Variants in CPZ observed in about 807,000 individuals in gnomAD.
The protein encoded by CPZ is VEZT/CPZ fusion.
Under a neutral mutation model 61.8 loss-of-function variants are expected in CPZ, and 103 were observed. The observed-to-expected ratio is 1.67, with a 90% confidence interval of 1.42 to 1.96. CPZ has a LOEUF of 1.96. CPZ is among the 30% of genes most tolerant of loss of function. The pLI, the probability that CPZ is intolerant of heterozygous loss-of-function variation, is 0.00. For synonymous variants in CPZ, 551 were observed against 373.7 expected (o/e 1.47, Z -5.47); for missense variants, 1,461 against 914.9 (o/e 1.60, Z -7.70).
intron 10 of CPZ, 63 bp from the exon 11 acceptor site, chr4:8,619,199 C>T: frequency 1.4e-6 from 2 of 1,411,996 alleles, no homozygotes; most frequent in Non-Finnish European, 9.7e-7. Flanking sequence ...TATCCATCAC[C>T]CATCACCCCG....
At chr4:8,615,653 C>T (rs554241136) in intron 9 of CPZ, among the ~76,000 whole-genome samples, 1,560 of 152,266 alleles carry the variant, frequency 0.01, 8 homozygotes, top group Middle Eastern at 0.034. Context: ...CTCTGGGCCA[C>T]ACACAGGCTT....
intron 3 of CPZ, 200 bp from the exon 4 acceptor site, chr4:8,603,776 G>A: frequency 1.7e-6 from 1 of 604,062 alleles, no homozygotes; most frequent in Non-Finnish European, 3.0e-6. Flanking sequence ...ATGGCGCTGT[G>A]CTGTGTACAT....
At position 8,607,275 on chromosome 4, in the gene CPZ, G is replaced by A. The variant is rs367807288; in HGVS notation, c.1077G>A (p.Pro359=). The A allele has an allele frequency of 9.5e-5, 154 of 1,613,990 alleles. 1 individual carries two copies. Among genetic ancestry groups the A allele is most frequent in the Middle Eastern group, 3.3e-4 (2 of 6,058 alleles). ...PQHYWWGKVA[P]ETKAIMKWMQ... ...TCGTCTGTCCTGGGCAGGTGGCCCC[G>A]GAGACAAAGGCAATCATGAAGTGGA... The change falls in exon 7 of 11, where the codon CCG becomes CCA. Residue 359 remains proline, a synonymous_variant. Coordinates refer to ENST00000360986, the MANE Select transcript of CPZ (RefSeq NM_001014447.3).
chr4:8,611,227 T>C (rs755402440), intron 7 of CPZ: 35 of 456,084 alleles, frequency 7.7e-5, no homozygotes, highest in South Asian at 4.6e-4. Context: ...TCATGCAGGG[T>C]GAGCCCTTCG....
chr4:8,593,140 G>T (rs1713921368), intron 1 of CPZ, among the ~76,000 whole-genome samples: 1 of 152,204 alleles, frequency 6.6e-6, no homozygotes. Context: ...CGGCATCCAG[G>T]CCGGGACCCC....
intron 9 of CPZ, among the ~76,000 whole-genome samples, chr4:8,615,829 G>A (rs1716116805): frequency 1.3e-5 from 2 of 152,140 alleles, no homozygotes; most frequent in Non-Finnish European, 2.9e-5. Context: ...AGTAAGAATC[G>A]AGCGAACTCC....
chr4:8,606,907 C>G lies in CPZ; in HGVS notation c.1068+9C>G, dbSNP rs2302580. 2 of 1,594,674 alleles carry G rather than the reference C, an allele frequency of 1.3e-6. No homozygotes were observed. Among genetic ancestry groups the G allele is most frequent in the Non-Finnish European group, 1.7e-6 (2 of 1,170,388 alleles). ...ACTACTGGTGGGGTAAGGTAGGAGC[C>G]GCCGCTGCCCATGCTGGTCTCCACC... On this transcript the variant is annotated intron_variant, in intron 6 of 10. Coordinates refer to ENST00000360986, the MANE Select transcript of CPZ (RefSeq NM_001014447.3).
intron 7 of CPZ, chr4:8,611,079 TTCGC>T (rs1164716028): frequency 1.2e-4 from 45 of 363,476 alleles, no homozygotes; most frequent in African/African-American, 9.1e-4. Context: ...CACTCATTCA[TTCGC>T]TCATTCACTC....
At chr4:8,593,656 G>A (rs916256107) in intron 1 of CPZ, among the ~76,000 whole-genome samples, 1 of 152,244 alleles carries the variant, frequency 6.6e-6, no homozygotes, top group Middle Eastern at 3.4e-3. Flanking sequence ...TGCGGGAGTG[G>A]GGCCGTGTGT....
chr4:8,606,134 C>A lies in CPZ; in HGVS notation c.855C>A (p.Ile285=). ...RIQRLLNTTR[I]HLLPSMNPDG... The stretch of plus-strand genomic sequence containing the variant: ...AGCGCCTGCTCAACACCACCCGCAT[C>A]CACCTGCTGCCCTCCATGAACCCTG... Residue 285 remains isoleucine, a synonymous_variant, in exon 5 of 11, where the codon ATC becomes ATA. Transcript: ENST00000360986. The A allele has an allele frequency of 6.2e-7, 1 of 1,614,196 alleles. No homozygotes were observed. Among genetic ancestry groups the A allele is most frequent in the Non-Finnish European group, 8.5e-7 (1 of 1,180,036 alleles).
chr4:8,592,891 C>T lies in CPZ; in HGVS notation c.58C>T (p.Pro20Ser). 6.5e-7 allele frequency: 1 copy of T among 1,534,440 alleles called. No individual in the cohort carries two copies. Among genetic ancestry groups the T allele is most frequent in the African/African-American group, 1.4e-5 (1 of 72,714 alleles). ...AGTCCTGGTCGTCGCCGCTGCCCGG[C>T]CGGGGTGCGAGTTTGAGCGGAACCC... The part of the protein sequence containing the change: ...LTVLVVAAAR[P>S]GCEFERNPAG... The change falls in exon 1 of 11, where the codon CCG becomes TCG. Residue 20 changes from proline (P) to serine (S), a missense_variant. Transcript: ENST00000360986.
chr4:8,610,801 GGGGTTGTGTTTGTGCCCTT>G (rs1355634305), intron 7 of CPZ, among the ~76,000 whole-genome samples: 2 of 152,154 alleles, frequency 1.3e-5, no homozygotes, highest in Admixed American at 6.5e-5. Flanking sequence ...GGGCCTGAGT[GGGGTTGTGTTTGTGCCCTT>G]GGTTTGTGTC....
intron 3 of CPZ, 139 bp from the exon 4 acceptor site, chr4:8,603,837 C>T (rs1714749537): frequency 1.4e-6 from 1 of 735,698 alleles, no homozygotes; most frequent in African/African-American, 1.7e-5. Context: ...GCAGAGGGAA[C>T]TCTAATTAAA....
intron 8 of CPZ, among the ~76,000 whole-genome samples, chr4:8,613,119 G>A (rs1280700030): frequency 6.8e-6 from 1 of 147,938 alleles, no homozygotes; most frequent in South Asian, 2.1e-4. Flanking sequence ...GCTGGGAGAG[G>A]CCCCTCTCTG....
chr4:8,618,004 G>C lies in CPZ; in HGVS notation c.1504-425G>C, dbSNP rs542486679. The C allele has an allele frequency of 1.3e-3, 290 of 218,564 alleles. 1 individual carries two copies. The highest frequency in any genetic ancestry group is 6.1e-3 in the African/African-American group (270 of 43,982). 13.5% of individuals were successfully genotyped at this position (218,564 alleles called of 1,614,324 possible). On this transcript the variant is annotated intron_variant, in intron 9 of 10. Transcript: ENST00000360986. Reference sequence around the variant, plus strand: ...AACCGCGCTGCTCGAGCGAGGGTCCGAGCACTGTCCTCGTCCTCTCCCATG... The same window carrying C: ...AACCGCGCTGCTCGAGCGAGGGTCCCAGCACTGTCCTCGTCCTCTCCCATG...
intron 9 of CPZ, among the ~76,000 whole-genome samples, chr4:8,614,799 C>T (rs567641753): frequency 1.3e-4 from 20 of 152,170 alleles, no homozygotes; most frequent in African/African-American, 3.9e-4. Context: ...GGCAGCCCGG[C>T]GAGGTGTCTG....
intron 7 of CPZ, 85 bp from the exon 8 acceptor site, chr4:8,611,942 G>A (rs907810720): frequency 2.6e-5 from 41 of 1,591,384 alleles, no homozygotes; most frequent in Middle Eastern, 3.4e-4. Context: ...GTGTTTGCAC[G>A]CGCAGCTCCT....
intron 9 of CPZ, among the ~76,000 whole-genome samples, chr4:8,617,324 C>T (rs566447587): frequency 2.6e-5 from 4 of 152,182 alleles, no homozygotes; most frequent in South Asian, 2.1e-4. Context: ...ACAGTCACTA[C>T]GGCAGAGCTG....
Position 8,619,375 on chromosome 4 carries a change from A to T in CPZ, c.1717A>T (p.Arg573Trp), listed in dbSNP as rs1287317428. 1.2e-6 allele frequency: 2 copies of T among 1,614,192 alleles called. No homozygotes were observed. The highest frequency in any genetic ancestry group is 1.7e-6 in the Non-Finnish European group (2 of 1,180,024). Reference protein sequence around the residue: ...KKVIIPARMKRAGRVDFILQP... With the variant: ...KKVIIPARMKWAGRVDFILQP... ...AGTCATCATCCCCGCCCGGATGAAG[A>T]GGGCTGGCCGTGTGGACTTCATTCT... Residue 573 changes from arginine (R) to tryptophan (W), a missense_variant, in exon 11 of 11, where the codon AGG becomes TGG. Coordinates refer to ENST00000360986, the MANE Select transcript of CPZ (RefSeq NM_001014447.3).
Sources: gnomAD v4.1 joint callset for allele counts (sites outside exome capture counted in the v4.1 genomes callset) on GRCh38, gnomAD v4.1.1 for gene constraint, MANE v1.5 for transcripts, NCBI Gene and HGNC (gene_info 2026-07-23, HGNC 2026-07-21) for gene names.